Variants in TRAPPC10 observed in about 807,000 individuals in gnomAD.
TRAPPC10 encodes the protein TRAPP 130 kDa subunit.
In TRAPPC10, 23 loss-of-function variants were observed where a neutral mutation model predicts 125.5. The observed-to-expected ratio is 0.18, with a 90% CI of 0.13 to 0.26. The LOEUF (loss-of-function observed/expected upper bound fraction) is 0.26, where lower values mean the gene tolerates loss of function less well. Ranked by LOEUF, TRAPPC10 falls within the 10% of genes least tolerant of loss-of-function variation. The pLI is 1.00. For synonymous variants in TRAPPC10, 509 were observed against 518.0 expected (o/e 0.98, Z 0.24); for missense variants, 1,123 against 1,308.4 (o/e 0.86, Z 2.19).
intron 1 of TRAPPC10, among the ~76,000 whole-genome samples, chr21:44,030,980 A>G (rs945919769): frequency 1.3e-5 from 2 of 151,924 alleles, no homozygotes; most frequent in Admixed American, 6.6e-5. Context: ...CCCATTTCCC[A>G]TGTCCCCGAG....
intron 6 of TRAPPC10, chr21:44,062,442 C>A: frequency 1.7e-6 from 1 of 575,340 alleles, no homozygotes; most frequent in Non-Finnish European, 2.2e-6. Flanking sequence ...CAGTATGTGC[C>A]ATTGGAGCTT....
At position 44,059,749 on chromosome 21, in the gene TRAPPC10, T is replaced by C. The variant is rs780105444; in HGVS notation, c.790+535T>C. The C allele has an allele frequency of 3.3e-4, 152 of 459,002 alleles. No individual in the cohort carries two copies. Among genetic ancestry groups the C allele is most frequent in the Non-Finnish European group, 5.3e-4 (138 of 259,650 alleles). 28.4% of individuals were successfully genotyped at this position (459,002 alleles called of 1,614,324 possible). ...CCTCAGTGTTTTTCGCTGATACTTA[T>C]TTTGATGAAAGTGATACCACGTTAT... is the stretch of plus-strand genomic sequence containing the variant. On this transcript the variant is annotated intron_variant, in intron 6 of 22. Transcript: ENST00000291574. This position sits in a 1 kb window ranked among gnomAD's most constrained non-coding sequence, Gnocchi z 4.4.
At chr21:44,026,700 A>G (rs1456140481) in intron 1 of TRAPPC10, among the ~76,000 whole-genome samples, 1 of 152,248 alleles carries the variant, frequency 6.6e-6, no homozygotes, top group Non-Finnish European at 1.5e-5. Context: ...GTTCAAAAAT[A>G]GAATCATGGA....
chr21:44,074,241 C>T lies in TRAPPC10; in HGVS notation c.1039-83C>T, dbSNP rs1038570802. 2.7e-5 allele frequency: 42 copies of T among 1,557,620 alleles called. No individual in the cohort carries two copies. The Middle Eastern group carries it at 7.0e-4, about 26-fold the overall frequency. On this transcript the variant is annotated intron_variant, in intron 7 of 22. Transcript: ENST00000291574. Reference sequence around the variant, plus strand: ...TGCTTGAAGGATGGAGGGTTTTGCACGTTCAAGCTAGAGCATGTGGGTTTG... The same window carrying T: ...TGCTTGAAGGATGGAGGGTTTTGCATGTTCAAGCTAGAGCATGTGGGTTTG...
intron 4 of TRAPPC10, 121 bp from the exon 5 acceptor site, chr21:44,055,577 C>CAAAAAA: frequency 3.4e-6 from 2 of 591,622 alleles, no homozygotes; most frequent in South Asian, 3.6e-5. Flanking sequence ...AACTCTGTCT[C>CAAAAAA]AAAAAAAAAA....
intron 3 of TRAPPC10, among the ~76,000 whole-genome samples, chr21:44,050,746 GTT>G (rs1239822624): frequency 1.3e-5 from 2 of 152,182 alleles, no homozygotes; most frequent in African/African-American, 4.8e-5. Context: ...TTTAATCTCA[GTT>G]TTCAAAGTAA....
chr21:44,046,506 GTTTT>G, intron 3 of TRAPPC10: 3 of 148,608 alleles, frequency 2.0e-5, no homozygotes, highest in South Asian at 2.6e-4. Flanking sequence ...TTACCTTTAA[GTTTT>G]TTTTTTTTTT....
At chr21:44,076,652 G>A (rs752115617) in intron 10 of TRAPPC10, 24 bp downstream of exon 10, 1 of 1,568,288 alleles carries the variant, frequency 6.4e-7, no homozygotes, top group Non-Finnish European at 8.8e-7. Flanking sequence ...AGTGTTCAAT[G>A]TCTGTTCTGT....
chr21:44,046,020 A>G (rs2034778961), intron 3 of TRAPPC10, among the ~76,000 whole-genome samples: 1 of 151,976 alleles, frequency 6.6e-6, no homozygotes, highest in Middle Eastern at 3.4e-3. Flanking sequence ...AGAGGAAATC[A>G]TGTTTGTACA....
At position 44,087,600 on chromosome 21, in the gene TRAPPC10, T is replaced by G; in HGVS notation, c.2540-99T>G. On this transcript the variant is annotated intron_variant, in intron 16 of 22. Transcript: ENST00000291574. This position sits in a 1 kb window ranked among gnomAD's most constrained non-coding sequence, Gnocchi z 4.6. ...CCAGGTGCGCAGGAGCGGGAGAGGTTGAGCAGTGGCCTCACTGCTGGGCCA... is the reference window on the plus strand; with the variant it reads ...CCAGGTGCGCAGGAGCGGGAGAGGTGGAGCAGTGGCCTCACTGCTGGGCCA... 9.6e-7 allele frequency: 1 copy of G among 1,047,100 alleles called. No individual in the cohort carries two copies. Among genetic ancestry groups the G allele is most frequent in the Non-Finnish European group, 1.4e-6 (1 of 695,114 alleles). 64.9% of individuals were successfully genotyped at this position (1,047,100 alleles called of 1,614,324 possible). A position where few individuals can be genotyped will look rare whatever the true frequency, so the allele number is the denominator to read the frequency against.
chr21:44,019,108 G>A (rs1378405458), intron 1 of TRAPPC10, among the ~76,000 whole-genome samples: 2 of 152,092 alleles, frequency 1.3e-5, no homozygotes, highest in East Asian at 3.9e-4. Context: ...CCAGACTGGA[G>A]TGCAGTGGCA....
chr21:44,023,904 G>A (rs2032810690), intron 1 of TRAPPC10, among the ~76,000 whole-genome samples: 1 of 152,100 alleles, frequency 6.6e-6, no homozygotes, highest in Non-Finnish European at 1.5e-5. Context: ...TCAGCCTCCC[G>A]AGTAGTGAGT....
chr21:44,060,936 A>G (rs2036001757), intron 6 of TRAPPC10, among the ~76,000 whole-genome samples: 1 of 149,220 alleles, frequency 6.7e-6, no homozygotes, highest in African/African-American at 2.5e-5. Context: ...ACACACACAC[A>G]CACACACACA....
At chr21:44,046,891 G>A (rs748810057) in intron 3 of TRAPPC10, 25 of 818,948 alleles carry the variant, frequency 3.1e-5, no homozygotes, top group Non-Finnish European at 4.9e-5. Flanking sequence ...TGTACACAGC[G>A]GCAGTCGCGC....
chr21:44,086,835 A>T lies in TRAPPC10; in HGVS notation c.2414A>T (p.Lys805Met). Residue 805 changes from lysine (K) to methionine (M), a missense_variant, in exon 16 of 23, where the codon AAG becomes ATG. This residue lies in a region of TRAPPC10 where 840 missense variants were observed against 902.0 expected (regional missense o/e 0.93). Transcript: ENST00000291574. Reference sequence around the variant, plus strand: ...CTGGCAGGCATTCCTCAGAGAGTCAAGTTCACTGTCACTACCGGCCATTAT... The same window carrying T: ...CTGGCAGGCATTCCTCAGAGAGTCATGTTCACTGTCACTACCGGCCATTAT... ...SLLAGIPQRV[K>M]FTVTTGHYTI... The T allele has an allele frequency of 6.2e-7, 1 of 1,614,166 alleles. No individual in the cohort carries two copies.
At position 44,034,969 on chromosome 21, in the gene TRAPPC10, T is replaced by G. The variant is rs568944662; in HGVS notation, c.149+2797T>G. Among the ~76,000 whole-genome samples, 15 of 152,320 alleles carry G rather than the reference T, an allele frequency of 9.8e-5. No individual in the cohort carries two copies. In the East Asian group the frequency reaches 2.5e-3, roughly 25 times the overall value. ...CCTTGATTTCAACTTTCTGGCCTCA[T>G]GAAACATGCAAGAATAAGCTAATGT... On this transcript the variant is annotated intron_variant, in intron 2 of 22. Transcript: ENST00000291574.
intron 2 of TRAPPC10, among the ~76,000 whole-genome samples, chr21:44,034,281 T>G (rs1208851515): frequency 1.3e-5 from 2 of 151,038 alleles, no homozygotes; most frequent in African/African-American, 4.9e-5. Context: ...AGACTCAGGG[T>G]CCCCACTCCT....
intron 6 of TRAPPC10, among the ~76,000 whole-genome samples, chr21:44,062,339 G>T (rs577721809): frequency 3.9e-5 from 6 of 152,252 alleles, no homozygotes; most frequent in Non-Finnish European, 8.8e-5. Context: ...ATGCTTACAT[G>T]AAGGGGAAAC....
intron 1 of TRAPPC10, among the ~76,000 whole-genome samples, chr21:44,013,949 T>A (rs1186003042): frequency 6.6e-6 from 1 of 152,230 alleles, no homozygotes; most frequent in African/African-American, 2.4e-5. Flanking sequence ...CCCAGGGGCT[T>A]TCCCAGTGCT....
Sources: allele counts gnomAD v4.1 joint callset (sites outside exome capture counted in the v4.1 genomes callset), GRCh38; gene constraint gnomAD v4.1.1; regional missense constraint gnomAD v4.1.1; non-coding constraint Gnocchi (gnomAD v3.1); transcripts MANE v1.5; gene names NCBI Gene and HGNC (gene_info 2026-07-23, HGNC 2026-07-21).